The following DISP3 variants were observed in gnomAD, a reference collection of about 807,000 sequenced individuals.
DISP3 encodes the protein protein dispatched homolog 3.
In DISP3, 101 loss-of-function variants were observed where a neutral mutation model predicts 135.3. The ratio of observed to expected loss-of-function variants is 0.75; its 90% CI spans 0.64 to 0.88. The LOEUF is 0.88. DISP3 is among the 40% of genes least tolerant of loss of function. DISP3 has a pLI of 0.00. For synonymous variants in DISP3, 856 were observed against 817.0 expected (o/e 1.05, Z -0.81); for missense variants, 1,713 against 1,878.6 (o/e 0.91, Z 1.63).
chr1:11,536,485 G>C lies in DISP3; in HGVS notation c.3978G>C (p.Thr1326=), dbSNP rs748909690. Residue 1326 remains threonine, a synonymous_variant, in exon 21 of 21, where the codon ACG becomes ACC. Coordinates refer to ENST00000294484, the MANE Select transcript of DISP3 (RefSeq NM_020780.2). This position sits in a 1 kb window ranked among gnomAD's most constrained non-coding sequence, Gnocchi z 4.3. ...TCGGCAAGATTGTGGCACTCAACAC[G>C]GGCGTGTCCATCCTCTACACGCTGA... ...AKFGKIVALN[T]GVSILYTLTV... is the part of the protein sequence containing the mutation. The C allele has an allele frequency of 6.2e-6, 10 of 1,613,468 alleles. No individual in the cohort carries two copies. Among genetic ancestry groups the C allele is most frequent in the Non-Finnish European group, 7.6e-6 (9 of 1,179,926 alleles).
At position 11,501,985 on chromosome 1, in the gene DISP3, C is replaced by G; in HGVS notation, c.993C>G (p.Ser331=). The part of the protein sequence containing the change: ...VLKDLPLGSY[S]YCSPPSSLMT... Reference sequence around the variant, plus strand: ...AGGATCTGCCGCTGGGCTCCTACTCCTACTGCTCGCCCCCCAGCTCGCTCA... The same window carrying G: ...AGGATCTGCCGCTGGGCTCCTACTCGTACTGCTCGCCCCCCAGCTCGCTCA... The change falls in exon 2 of 21, where the codon TCC becomes TCG. Residue 331 remains serine, a synonymous_variant. Transcript: ENST00000294484. This position sits in a 1 kb window ranked among gnomAD's most constrained non-coding sequence, Gnocchi z 4.9. 6.2e-7 allele frequency: 1 copy of G among 1,613,884 alleles called. No individual in the cohort carries two copies. The highest frequency in any genetic ancestry group is 1.1e-5 in the South Asian group (1 of 91,040).
At chr1:11,481,873 T>G (rs771785364) in intron 1 of DISP3, 1 of 152,222 alleles carries the variant, frequency 6.6e-6, no homozygotes, top group Non-Finnish European at 1.5e-5. Context: ...TTTAGATGAT[T>G]TCCTTAATAG....
chr1:11,515,504 G>T lies in DISP3; in HGVS notation c.1588+1G>T, dbSNP rs774449021. 2 of 1,600,792 alleles carry T rather than the reference G, an allele frequency of 1.2e-6. No individual in the cohort carries two copies. The highest frequency in any genetic ancestry group is 1.7e-6 in the Non-Finnish European group (2 of 1,173,598). On this transcript the variant is annotated splice_donor_variant, in intron 5 of 20. Transcript: ENST00000294484. LOFTEE classifies it high-confidence loss of function. ...GCCGCCTTCGTGATCGTGGGCATTG[G>T]TGAGTCGCCTCTGTTGTCATGGCAG... is the stretch of plus-strand genomic sequence containing the variant.
rs553814523 is a variant in DISP3, at chr1:11,499,503, C to T, written c.-3-1487C>T. 3.5e-4 allele frequency among the ~76,000 whole-genome samples: 53 copies of T among 152,112 alleles called. No individual in the cohort carries two copies. Among genetic ancestry groups the T allele is most frequent in the Non-Finnish European group, 6.6e-4 (45 of 68,026 alleles). ...CATCCCCTCGGCAAGCTGGCAGGCT[C>T]GTGTTAGGGCGTTGCAAATGGGAAG... On this transcript the variant is annotated intron_variant, in intron 1 of 20. Coordinates refer to ENST00000294484, the MANE Select transcript of DISP3 (RefSeq NM_020780.2). This position sits in a 1 kb window ranked among gnomAD's most constrained non-coding sequence, Gnocchi z 5.2.
Position 11,534,385 on chromosome 1 carries a change from C to A in DISP3, c.3380C>A (p.Thr1127Lys). 1.2e-6 allele frequency: 2 copies of A among 1,614,248 alleles called. No homozygotes were observed. The highest frequency in any genetic ancestry group is 8.5e-7 in the Non-Finnish European group (1 of 1,180,040). Residue 1127 changes from threonine (T) to lysine (K), a missense_variant, in exon 18 of 21, where the codon ACG becomes AAG. This residue lies in a region of DISP3 where 1,142 missense variants were observed against 1,384.6 expected (regional missense o/e 0.82). Transcript: ENST00000294484. ...QWISMAFEST[T>K]YKGKSSFQTY... is the part of the protein sequence containing the mutation. ...AGCTCACATCTCTCCCCACAGACCA[C>A]GTACAAGGGCAAATCCTCCTTCCAG...
rs6663540 is a variant in DISP3 at position 11,520,422 on chromosome 1, A to G, written c.2201-265A>G. 0.061 allele frequency among the ~76,000 whole-genome samples: 9,222 copies of G among 152,146 alleles called. 902 individuals are homozygous for G. Among genetic ancestry groups the G allele is most frequent in the African/African-American group, 0.21 (8,610 of 41,442 alleles). On this transcript the variant is annotated intron_variant, in intron 9 of 20. Coordinates refer to ENST00000294484, the MANE Select transcript of DISP3 (RefSeq NM_020780.2). The surrounding 1 kb of genome is among the most constrained non-coding windows in gnomAD (Gnocchi z 4.8). ...TCGTCATAAACTATGAGGTGCTCTG[A>G]GGTGGTGGCCGCCTCTTGTCCAGGA...
rs894941225 is a variant in DISP3 at position 11,535,648 on chromosome 1, C to T, written c.3816+4C>T. ...CCTGCCCCCCCACCAGGCCGAGGTGCGCACCCTGCCCGCCTTACCCACTTC... is the reference window on the plus strand; with the variant it reads ...CCTGCCCCCCCACCAGGCCGAGGTGTGCACCCTGCCCGCCTTACCCACTTC... On this transcript the variant is annotated splice_donor_region_variant and intron_variant, in intron 20 of 20. Coordinates refer to ENST00000294484, the MANE Select transcript of DISP3 (RefSeq NM_020780.2). 8 of 1,608,884 alleles carry T rather than the reference C, an allele frequency of 5.0e-6. No individual in the cohort carries two copies. The highest frequency in any genetic ancestry group is 3.3e-5 in the South Asian group (3 of 90,758).
intron 15 of DISP3, among the ~76,000 whole-genome samples, chr1:11,530,486 G>T (rs999458557): frequency 5.8e-4 from 88 of 152,308 alleles, no homozygotes; most frequent in African/African-American, 2.1e-3. Context: ...CAGCCATGGA[G>T]TAAGTCGGGG....
chr1:11,507,250 G>A (rs913477311), intron 3 of DISP3, among the ~76,000 whole-genome samples: 3 of 152,140 alleles, frequency 2.0e-5, no homozygotes, highest in Admixed American at 1.3e-4. Flanking sequence ...TTGCAATCCT[G>A]GAAAGTCTCA....
rs751646013 is a variant in DISP3, at chr1:11,517,564, C to CCT, written c.1854_1855dup (p.Tyr619SerfsTer114). On this transcript the variant is annotated frameshift_variant, in exon 7 of 21. Coordinates refer to ENST00000294484, the MANE Select transcript of DISP3 (RefSeq NM_020780.2). LOFTEE classifies it high-confidence loss of function. ...TGCCTGCAGCTCTGGGCCTCTGGAG[C>CCT]CTCTACCTGGCACCACTGGAGAGCT... 6.2e-7 allele frequency: 1 copy of CCT among 1,614,172 alleles called. No individual in the cohort carries two copies. The highest frequency in any genetic ancestry group is 8.5e-7 in the Non-Finnish European group (1 of 1,180,044).
rs759586867 is a variant in DISP3, at chr1:11,529,500, T to TC, written c.2799-52dup. On this transcript the variant is annotated intron_variant, in intron 13 of 20. Coordinates refer to ENST00000294484, the MANE Select transcript of DISP3 (RefSeq NM_020780.2). This position sits in a 1 kb window ranked among gnomAD's most constrained non-coding sequence, Gnocchi z 4.7. ...CCAACCCTGGCCTGCTGGCCTCACCTCCCCTGACTCCTCCTAGCCTTTCCG... is the reference window on the plus strand; with the variant it reads ...CCAACCCTGGCCTGCTGGCCTCACCTCCCCCTGACTCCTCCTAGCCTTTCCG... The TC allele has an allele frequency of 1.2e-5, 18 of 1,514,014 alleles. No homozygotes were observed. The South Asian group carries it at 1.4e-4, about 12-fold the overall frequency. The allele number at this position is 1,514,014 out of a possible 1,614,324, so 93.8% of individuals were successfully genotyped here. A position where few individuals can be genotyped will look rare whatever the true frequency, so the allele number is the denominator to read the frequency against.
At chr1:11,487,141 A>G (rs1301608681) in intron 1 of DISP3, among the ~76,000 whole-genome samples, 1 of 152,196 alleles carries the variant, frequency 6.6e-6, no homozygotes, top group African/African-American at 2.4e-5. Flanking sequence ...GACCCCAAGT[A>G]TGGACAAAGG....
Position 11,536,643 on chromosome 1 carries a change from A to G in DISP3, c.4136A>G (p.Gln1379Arg), listed in dbSNP as rs1305882278. The G allele has an allele frequency of 2.5e-6, 4 of 1,599,374 alleles. No individual in the cohort carries two copies. Among genetic ancestry groups the G allele is most frequent in the Non-Finnish European group, 3.4e-6 (4 of 1,174,144 alleles). ...LGLGACLVLL[Q>R]SGYKIPLPAG... ...CTGGGTGCCTGCCTCGTGCTCCTGC[A>G]GAGCGGCTATAAGATTCCCCTGCCC... is the stretch of plus-strand genomic sequence containing the variant. Residue 1379 changes from glutamine (Q) to arginine (R), a missense_variant, in exon 21 of 21, where the codon CAG becomes CGG. Physicochemically the swap from Gln to Arg is conservative, Grantham distance 43 (BLOSUM62 1). Around this residue, in one of 2 missense-constraint regions of DISP3, gnomAD observed 1,142 missense variants for 1,384.6 expected, o/e 0.82. Coordinates refer to ENST00000294484, the MANE Select transcript of DISP3 (RefSeq NM_020780.2). This position sits in a 1 kb window ranked among gnomAD's most constrained non-coding sequence, Gnocchi z 4.3.
Position 11,525,274 on chromosome 1 carries a change from G to A in DISP3, c.2575G>A (p.Ala859Thr). The A allele has an allele frequency of 1.9e-6, 3 of 1,613,986 alleles. No homozygotes were observed. The highest frequency in any genetic ancestry group is 1.1e-5 in the South Asian group (1 of 91,086). The change falls in exon 12 of 21, where the codon GCT becomes ACT. Residue 859 changes from alanine (A) to threonine (T), a missense_variant. Physicochemically the swap from Ala to Thr is moderately conservative, Grantham distance 58 (BLOSUM62 0). Transcript: ENST00000294484. The part of the protein sequence containing the change: ...LNASLPAPWQ[A>T]VSPGDGEVPS... ...TGCCAGCCTGCCTGCTCCTTGGCAGGCTGTGTCGCCTGGGGATGGAGAGGT... is the reference window on the plus strand; with the variant it reads ...TGCCAGCCTGCCTGCTCCTTGGCAGACTGTGTCGCCTGGGGATGGAGAGGT...
chr1:11,518,798 G>A (rs2100463569), intron 7 of DISP3, among the ~76,000 whole-genome samples: 1 of 152,044 alleles, frequency 6.6e-6, no homozygotes, highest in East Asian at 2.0e-4. Flanking sequence ...AGGATTAAGT[G>A]AGATAATCCA....
At chr1:11,517,658 G>A in intron 7 of DISP3, 56 bp downstream of exon 7, 2 of 1,589,916 alleles carry the variant, frequency 1.3e-6, no homozygotes, top group Non-Finnish European at 8.6e-7. Context: ...GCCTCTATGA[G>A]CCACTCAGTG....
chr1:11,534,294 T>C (rs1642649957), intron 17 of DISP3, 87 bp from the exon 18 acceptor site: 1 of 1,509,998 alleles, frequency 6.6e-7, no homozygotes, highest in Non-Finnish European at 9.2e-7. Flanking sequence ...ACTCCATTGG[T>C]GGCCGCAGAA....
intron 1 of DISP3, among the ~76,000 whole-genome samples, chr1:11,500,366 G>A (rs1470817227): frequency 2.6e-5 from 4 of 152,224 alleles, no homozygotes; most frequent in African/African-American, 9.6e-5. Flanking sequence ...ATACTACACA[G>A]ACTGCAGAGT....
rs1371143550 is a variant in DISP3 at position 11,514,499 on chromosome 1, C to G, written c.1426C>G (p.Leu476Val). 7 of 1,614,178 alleles carry G rather than the reference C, an allele frequency of 4.3e-6. No individual in the cohort carries two copies. The highest frequency in any genetic ancestry group is 5.1e-6 in the Non-Finnish European group (6 of 1,180,016). The change falls in exon 4 of 21, where the codon CTG becomes GTG. Residue 476 changes from leucine (L) to valine (V), a missense_variant. By Grantham distance (32) the Leu-to-Val change is conservative (BLOSUM62 1). Around this residue, in one of 2 missense-constraint regions of DISP3, gnomAD observed 1,142 missense variants for 1,384.6 expected, o/e 0.82. Coordinates refer to ENST00000294484, the MANE Select transcript of DISP3 (RefSeq NM_020780.2). ...CATCAGCAGCAGCTGCATTGCTGCC[C>G]TGGTCTACATCCTCACCTCCTGCTC... is the stretch of plus-strand genomic sequence containing the variant. Reference protein sequence around the residue: ...AFISSSCIAALVYILTSCSVF... With the variant: ...AFISSSCIAAVVYILTSCSVF...
Sources: allele counts gnomAD v4.1 joint callset (sites outside exome capture counted in the v4.1 genomes callset), GRCh38; gene constraint gnomAD v4.1.1; regional missense constraint gnomAD v4.1.1; non-coding constraint Gnocchi (gnomAD v3.1); transcripts MANE v1.5; gene names NCBI Gene and HGNC (gene_info 2026-07-23, HGNC 2026-07-21).